The following RYR3 variants were observed in gnomAD, a reference collection of about 807,000 sequenced individuals.
The protein encoded by RYR3 is ryanodine receptor 3.
A neutral mutation model predicts 584.3 loss-of-function variants in RYR3; 207 were observed. The ratio of observed to expected loss-of-function variants is 0.35; its 90% confidence interval spans 0.32 to 0.40. RYR3 has a LOEUF of 0.40. Ranked by LOEUF, RYR3 falls within the 10% of genes least tolerant of loss-of-function variation. RYR3 has a pLI of 1.00. For synonymous variants in RYR3, 2,416 were observed against 2,248.5 expected (o/e 1.07, Z -2.11); for missense variants, 5,616 against 6,089.2 (o/e 0.92, Z 2.59).
At chr15:33,685,984 A>G (rs998223757) in intron 38 of RYR3, among the ~76,000 whole-genome samples, 9 of 152,218 alleles carry the variant, frequency 5.9e-5, no homozygotes, top group Admixed American at 2.0e-4. Context: ...CCCACAAGAG[A>G]AAGCAGGAAA....
Position 33,456,543 on chromosome 15 carries a change from A to C in RYR3, c.52-16876A>C, listed in dbSNP as rs145845041. Among the ~76,000 whole-genome samples, 3 of 152,192 alleles carry C rather than the reference A, an allele frequency of 2.0e-5. No individual in the cohort carries two copies. In the East Asian group the frequency reaches 5.8e-4, roughly 29 times the overall value. ...TGAACTTCTGTCTTGAATTCCTGAG[A>C]GGTTTGGAATCAGTGGCTCCCGAGG... is the stretch of plus-strand genomic sequence containing the variant. On this transcript the variant is annotated intron_variant, in intron 1 of 103. Coordinates refer to ENST00000634891, the MANE Select transcript of RYR3 (RefSeq NM_001036.6).
At chr15:33,601,026 G>A (rs1372292784) in intron 16 of RYR3, among the ~76,000 whole-genome samples, 1 of 152,086 alleles carries the variant, frequency 6.6e-6, no homozygotes, top group Non-Finnish European at 1.5e-5. Context: ...CAGTGAGCAG[G>A]GCCTGGATTT....
At chr15:33,666,848 A>T (rs1479781959) in intron 36 of RYR3, among the ~76,000 whole-genome samples, 1 of 152,188 alleles carries the variant, frequency 6.6e-6, no homozygotes, top group African/African-American at 2.4e-5. Context: ...ATTCAGCTCA[A>T]CCCAGCTTTC....
At chr15:33,515,483 C>T (rs1423986306) in intron 3 of RYR3, among the ~76,000 whole-genome samples, 4 of 152,242 alleles carry the variant, frequency 2.6e-5, no homozygotes, top group Non-Finnish European at 5.9e-5. Flanking sequence ...ATAGTCTCTA[C>T]CTGTTGTATA....
At chr15:33,612,203 C>T (rs187550867) in intron 18 of RYR3, among the ~76,000 whole-genome samples, 50 of 152,206 alleles carry the variant, frequency 3.3e-4, no homozygotes, top group Admixed American at 1.2e-3. Flanking sequence ...GGTGATTTTC[C>T]TCACTACTTT....
intron 34 of RYR3, among the ~76,000 whole-genome samples, chr15:33,661,694 C>G (rs2063173642): frequency 6.6e-6 from 1 of 152,116 alleles, no homozygotes; most frequent in Admixed American, 6.5e-5. Context: ...CTATGAAAAT[C>G]TATTGCTGGT....
chr15:33,864,703 A>G (rs1002220192), intron 103 of RYR3: 1 of 180,570 alleles, frequency 5.5e-6, no homozygotes, highest in Non-Finnish European at 1.2e-5. Context: ...ATATTCAAAC[A>G]TCATTGGCTT....
chr15:33,586,131 A>G lies in RYR3; in HGVS notation c.1788+15A>G, dbSNP rs769574793. Reference sequence around the variant, plus strand: ...GGAATCACAAGGTAGGTGTGGAAAGAACGGTGATTGACTTTGCCTGGTGTT... The same window carrying G: ...GGAATCACAAGGTAGGTGTGGAAAGGACGGTGATTGACTTTGCCTGGTGTT... On this transcript the variant is annotated intron_variant, in intron 16 of 103. Coordinates refer to ENST00000634891, the MANE Select transcript of RYR3 (RefSeq NM_001036.6). 7 of 1,483,780 alleles carry G rather than the reference A, an allele frequency of 4.7e-6. No homozygotes were observed. Among genetic ancestry groups the G allele is most frequent in the Non-Finnish European group, 6.6e-6 (7 of 1,061,068 alleles). The allele number at this position is 1,483,780 out of a possible 1,614,324, so 91.9% of individuals were successfully genotyped here.
At position 33,860,463 on chromosome 15, in the gene RYR3, GTAT is replaced by G. The variant is rs1887768117; in HGVS notation, c.14300-127_14300-125del. On this transcript the variant is annotated intron_variant, in intron 100 of 103. Transcript: ENST00000634891. The stretch of plus-strand genomic sequence containing the variant: ...CAGGATGTAACACAAAGAAACACGA[GTAT>G]TATTTTTCTAATTTTGCTTTGATAA... The G allele has an allele frequency of 1.8e-5, 10 of 551,356 alleles. No homozygotes were observed. In the South Asian group the frequency reaches 3.2e-4, roughly 18 times the overall value. 34.2% of individuals were successfully genotyped at this position (551,356 alleles called of 1,614,324 possible).
intron 40 of RYR3, among the ~76,000 whole-genome samples, chr15:33,698,831 T>A (rs1483771106): frequency 1.3e-5 from 2 of 152,140 alleles, no homozygotes; most frequent in African/African-American, 4.8e-5. Flanking sequence ...TGAACCTTAT[T>A]GCTTAGAGCA....
At position 33,757,589 on chromosome 15, in the gene RYR3, G is replaced by A; in HGVS notation, c.8698G>A (p.Val2900Met). 1.2e-6 allele frequency: 2 copies of A among 1,610,298 alleles called. No homozygotes were observed. Among genetic ancestry groups the A allele is most frequent in the South Asian group, 2.2e-5 (2 of 89,714 alleles). Residue 2900 changes from valine (V) to methionine (M), a missense_variant, in exon 60 of 104, where the codon GTG (valine) becomes ATG (methionine). This residue lies in a region of RYR3 where 1,280 missense variants were observed against 1,426.2 expected (regional missense o/e 0.90). Transcript: ENST00000634891. ...TGCCTCCCATAAGGAGAAAGAAATGGTGGCCGGGTGAGTCTACAAGATAAA... is the reference window on the plus strand; with the variant it reads ...TGCCTCCCATAAGGAGAAAGAAATGATGGCCGGGTGAGTCTACAAGATAAA... ...GYASHKEKEM[V>M]AGLFCKLAAL...
intron 12 of RYR3, 64 bp from the exon 13 acceptor site, chr15:33,579,912 T>C (rs2058505967): frequency 3.0e-6 from 4 of 1,349,162 alleles, no homozygotes; most frequent in Non-Finnish European, 4.1e-6. Flanking sequence ...TGGGACCCAG[T>C]GGGTGTTCAT....
chr15:33,562,885 A>G lies in RYR3; in HGVS notation c.1021A>G (p.Met341Val), dbSNP rs992011438. 4 of 1,613,410 alleles carry G rather than the reference A, an allele frequency of 2.5e-6. No individual in the cohort carries two copies. Among genetic ancestry groups the G allele is most frequent in the Non-Finnish European group, 3.4e-6 (4 of 1,179,504 alleles). The change falls in exon 11 of 104, where the codon ATG becomes GTG. Residue 341 changes from methionine to valine, a missense_variant. Physicochemically the swap from Met to Val is conservative, Grantham distance 21 (BLOSUM62 1). Around this residue, in one of 9 missense-constraint regions of RYR3, gnomAD observed 1,284 missense variants for 1,344.6 expected, o/e 0.95. Transcript: ENST00000634891. Reference sequence around the variant, plus strand: ...CAGTCACAAGCGAGACATAGAAGGCATGGGAGTTCCAGAAATCAAGTATGG... The same window carrying G: ...CAGTCACAAGCGAGACATAGAAGGCGTGGGAGTTCCAGAAATCAAGTATGG... ...DSSHKRDIEGMGVPEIKYGDS... is the reference protein window; with the variant it reads ...DSSHKRDIEGVGVPEIKYGDS...
At chr15:33,772,225 A>G in intron 63 of RYR3, 67 bp downstream of exon 63, 2 of 925,540 alleles carry the variant, frequency 2.2e-6, no homozygotes, top group East Asian at 5.1e-5. Context: ...TGCAGGGCCC[A>G]TTCACTTACA....
intron 38 of RYR3, among the ~76,000 whole-genome samples, chr15:33,682,936 T>A (rs1243770803): frequency 1.3e-5 from 2 of 152,104 alleles, no homozygotes; most frequent in African/African-American, 2.4e-5. Flanking sequence ...AAATGGTAGA[T>A]TTAACCTCTT....
intron 1 of RYR3, among the ~76,000 whole-genome samples, chr15:33,364,936 A>C (rs1975272388): frequency 6.6e-6 from 1 of 152,208 alleles, no homozygotes. Flanking sequence ...CTTGCAAACG[A>C]TCTCAGGAAG....
chr15:33,520,714 A>T (rs8026464), intron 3 of RYR3, among the ~76,000 whole-genome samples: 7 of 150,434 alleles, frequency 4.7e-5, no homozygotes, highest in African/African-American at 7.4e-5. Context: ...CACCATAATA[A>T]GAAACATGTG....
chr15:33,621,581 T>C (rs537125092), intron 19 of RYR3, among the ~76,000 whole-genome samples: 3 of 152,364 alleles, frequency 2.0e-5, no homozygotes, highest in Non-Finnish European at 2.9e-5. Context: ...TTGTGTCCTA[T>C]TACATAACAC....
At chr15:33,674,154 C>G (rs4780148) in intron 38 of RYR3, among the ~76,000 whole-genome samples, 120,918 of 152,194 alleles carry the variant, frequency 0.79, 49,775 homozygotes, top group East Asian at 0.92. Context: ...AACCAAAATT[C>G]TCTCCCAGCT....
Sources: allele counts gnomAD v4.1 joint callset (sites outside exome capture counted in the v4.1 genomes callset), GRCh38; gene constraint gnomAD v4.1.1; regional missense constraint gnomAD v4.1.1; transcripts MANE v1.5; gene names NCBI Gene and HGNC (gene_info 2026-07-23, HGNC 2026-07-21).